The following SEC24A variants were observed in gnomAD, a reference collection of about 807,000 sequenced individuals.
SEC24A encodes SEC24 homolog A, COPII component.
A neutral mutation model predicts 129.4 loss-of-function variants in SEC24A; 93 were observed. The ratio of observed to expected loss-of-function variants is 0.72; its 90% CI spans 0.61 to 0.85. SEC24A has a LOEUF of 0.85. SEC24A is among the 40% of genes least tolerant of loss of function. SEC24A has a pLI of 0.00. For missense variants in SEC24A, 1,264 were observed against 1,307.4 expected (o/e 0.97, Z 0.51); for synonymous variants, 460 against 467.3 (o/e 0.98, Z 0.20).
rs1752072101 is a variant in SEC24A at position 134,703,782 on chromosome 5, G to A, written c.2290G>A (p.Gly764Arg). 1 of 1,612,452 alleles carries A rather than the reference G, an allele frequency of 6.2e-7. No homozygotes were observed. Among genetic ancestry groups the A allele is most frequent in the Non-Finnish European group, 8.5e-7 (1 of 1,178,864 alleles). Residue 764 changes from glycine (G) to arginine (R), a missense_variant, in exon 16 of 23, where the codon GGA becomes AGA. Gly to Arg is a moderately radical substitution (Grantham distance 125). Transcript: ENST00000398844. ...TKGLSIHTFH[G>R]NFFVRSTDLL... The stretch of plus-strand genomic sequence containing the variant: ...AGGTCTTTCCATTCATACTTTCCAT[G>A]GAAACTTCTTTGTTAGGTCAACCGA...
Position 134,661,463 on chromosome 5 carries a change from C to A in SEC24A, c.442C>A (p.Gln148Lys). The A allele has an allele frequency of 6.2e-7, 1 of 1,614,214 alleles. No homozygotes were observed. Among genetic ancestry groups the A allele is most frequent in the Non-Finnish European group, 8.5e-7 (1 of 1,180,040 alleles). ...WQYNYPSTAS[Q>K]TNHCPRASSQ... ...ATATAACTATCCATCCACAGCCTCACAAACAAACCATTGTCCTCGTGCATC... is the reference window on the plus strand; with the variant it reads ...ATATAACTATCCATCCACAGCCTCAAAAACAAACCATTGTCCTCGTGCATC... The change falls in exon 2 of 23, where the codon CAA (glutamine) becomes AAA (lysine). Residue 148 changes from glutamine (Q) to lysine (K), a missense_variant. Coordinates refer to ENST00000398844, the MANE Select transcript of SEC24A (RefSeq NM_021982.3).
At position 134,661,549 on chromosome 5, in the gene SEC24A, T is replaced by C. The variant is rs761864799; in HGVS notation, c.528T>C (p.Ser176=). ...CCACAAATCATCAATATGTTTCTTC[T>C]GGATATCCTTCACTTCAAAATAGCT... ...SLTTNHQYVS[S]GYPSLQNSFI... Residue 176 remains serine (S), a synonymous_variant, in exon 2 of 23, where the codon TCT becomes TCC. Transcript: ENST00000398844. 2 of 1,614,002 alleles carry C rather than the reference T, an allele frequency of 1.2e-6. No homozygotes were observed. Among genetic ancestry groups the C allele is most frequent in the Admixed American group, 1.7e-5 (1 of 60,002 alleles).
intron 21 of SEC24A, among the ~76,000 whole-genome samples, chr5:134,721,561 CAAAA>C: frequency 1.8e-5 from 1 of 55,434 alleles, no homozygotes; most frequent in Non-Finnish European, 3.6e-5. Context: ...GACTCCATCT[CAAAA>C]AAAAAAAAAA....
At chr5:134,659,736 C>T (rs1750383294) in intron 1 of SEC24A, among the ~76,000 whole-genome samples, 1 of 151,272 alleles carries the variant, frequency 6.6e-6, no homozygotes, top group African/African-American at 2.4e-5. Context: ...CTCCCTGCAG[C>T]CTTAACCTCC....
chr5:134,697,583 A>G (rs1326352266), intron 14 of SEC24A, among the ~76,000 whole-genome samples: 2 of 152,098 alleles, frequency 1.3e-5, no homozygotes, highest in East Asian at 3.9e-4. Flanking sequence ...TGCAAATAAT[A>G]TGTATATTTT....
intron 1 of SEC24A, among the ~76,000 whole-genome samples, chr5:134,657,894 ATG>A (rs1750301741): frequency 6.6e-6 from 1 of 152,216 alleles, no homozygotes; most frequent in African/African-American, 2.4e-5. Flanking sequence ...TTTTTATTAA[ATG>A]TGTATATGCA....
chr5:134,675,997 G>T, intron 6 of SEC24A, 26 bp from the exon 7 acceptor site: 1 of 1,502,774 alleles, frequency 6.7e-7, no homozygotes, highest in South Asian at 1.2e-5. Flanking sequence ...AGCAGCAACT[G>T]ATACATACTT....
intron 19 of SEC24A, 104 bp downstream of exon 19, chr5:134,715,265 CTTTTA>C (rs1009859920): frequency 5.9e-6 from 6 of 1,014,800 alleles, no homozygotes; most frequent in Admixed American, 5.5e-5. Context: ...AAGGCTTTAG[CTTTTA>C]TTTTATTTAT....
In SEC24A at chr5:134,721,782, G is replaced by C. The variant is rs78798487; in HGVS notation, c.3063+692G>C. ...AGCTACTTACGAGGCTGAAATGGGA[G>C]GAGTGCTAGGACCTGGGAGGTTGAG... On this transcript the variant is annotated intron_variant, in intron 21 of 22. Transcript: ENST00000398844. Among the ~76,000 whole-genome samples the C allele has an allele frequency of 1.0e-2, 1,519 of 152,178 alleles. 24 individuals are homozygous for C. The highest frequency in any genetic ancestry group is 0.035 in the African/African-American group (1,463 of 41,502).
At chr5:134,709,993 G>A (rs574659887) in intron 18 of SEC24A, among the ~76,000 whole-genome samples, 4 of 152,106 alleles carry the variant, frequency 2.6e-5, no homozygotes, top group East Asian at 1.9e-4. Context: ...TCCGCCTACC[G>A]GGTTCAAGCG....
At chr5:134,679,819 C>A in intron 8 of SEC24A, 91 bp downstream of exon 8, 1 of 1,060,238 alleles carries the variant, frequency 9.4e-7, no homozygotes, top group East Asian at 3.0e-5. Flanking sequence ...AAAAAAAAAC[C>A]CTTTTATTTA....
chr5:134,650,212 A>G (rs2150064040), intron 1 of SEC24A, among the ~76,000 whole-genome samples: 1 of 152,348 alleles, frequency 6.6e-6, no homozygotes, highest in East Asian at 1.9e-4. Flanking sequence ...GAGGAAAGCC[A>G]CTGAAAGGGT....
At chr5:134,652,271 A>G (rs1311604556) in intron 1 of SEC24A, among the ~76,000 whole-genome samples, 1 of 151,550 alleles carries the variant, frequency 6.6e-6, no homozygotes, top group African/African-American at 2.4e-5. Context: ...ATATTACAGT[A>G]TAATTAGATC....
At position 134,674,698 on chromosome 5, in the gene SEC24A, A is replaced by C. The variant is rs1750993078; in HGVS notation, c.901A>C (p.Asn301His). The stretch of plus-strand genomic sequence containing the variant: ...TCCCTCCTTACCACCTGGTTATCAG[A>C]ACACAACACCACCTGGTGCAACTGG... ...SYPSLPPGYQ[N>H]TTPPGATGVP... Residue 301 changes from asparagine (N) to histidine (H), a missense_variant, in exon 5 of 23, where the codon AAC becomes CAC. Physicochemically the swap from Asn to His is moderately conservative, Grantham distance 68. Coordinates refer to ENST00000398844, the MANE Select transcript of SEC24A (RefSeq NM_021982.3). The C allele has an allele frequency of 6.2e-7, 1 of 1,614,096 alleles. No individual in the cohort carries two copies. Among genetic ancestry groups the C allele is most frequent in the East Asian group, 2.2e-5 (1 of 44,890 alleles).
At chr5:134,695,583 G>A (rs903098060) in intron 13 of SEC24A, among the ~76,000 whole-genome samples, 11 of 151,968 alleles carry the variant, frequency 7.2e-5, no homozygotes, top group African/African-American at 1.4e-4. Flanking sequence ...TCAGGTGTTC[G>A]AGACTAGCCT....
intron 1 of SEC24A, among the ~76,000 whole-genome samples, chr5:134,650,574 G>A (rs1266705884): frequency 1.4e-5 from 2 of 145,678 alleles, no homozygotes; most frequent in African/African-American, 2.6e-5. Flanking sequence ...TTGTTCTGTT[G>A]CCCAGGCTGG....
At chr5:134,717,024 C>T (rs1247872932) in intron 19 of SEC24A, among the ~76,000 whole-genome samples, 2 of 150,398 alleles carry the variant, frequency 1.3e-5, no homozygotes, top group Non-Finnish European at 3.0e-5. Flanking sequence ...GGATTACAGG[C>T]GTGCACCACC....
chr5:134,656,863 C>T (rs1234542116), intron 1 of SEC24A, among the ~76,000 whole-genome samples: 4 of 151,010 alleles, frequency 2.6e-5, no homozygotes, highest in African/African-American at 2.4e-5. Context: ...CTCACTGCAG[C>T]CTTGAACTCC....
At chr5:134,709,580 A>T (rs1752260502) in intron 18 of SEC24A, among the ~76,000 whole-genome samples, 1 of 152,236 alleles carries the variant, frequency 6.6e-6, no homozygotes, top group African/African-American at 2.4e-5. Context: ...ACACGGAAGC[A>T]GAAAGCAGAA....
Sources: gnomAD v4.1 joint callset for allele counts (sites outside exome capture counted in the v4.1 genomes callset) on GRCh38, gnomAD v4.1.1 for gene constraint, MANE v1.5 for transcripts, NCBI Gene and HGNC (gene_info 2026-07-23, HGNC 2026-07-21) for gene names.